The following CSMD3 variants were observed in gnomAD, a reference collection of about 807,000 sequenced individuals.
The protein encoded by CSMD3 is CUB and sushi domain-containing protein 3.
A neutral mutation model predicts 435.2 loss-of-function variants in CSMD3; 177 were observed. That is an observed-to-expected ratio of 0.41 (90% CI 0.36 to 0.46). CSMD3 has a LOEUF of 0.46. Among genes scored for constraint, CSMD3 ranks in the 20% least tolerant of loss-of-function variants. The probability of loss-of-function intolerance (pLI) is 0.34; values close to 1 mark genes in which losing one functional copy is unlikely to be tolerated. For missense variants in CSMD3, 4,265 were observed against 4,504.6 expected (o/e 0.95, Z 1.52); for synonymous variants, 1,656 against 1,520.5 (o/e 1.09, Z -2.07).
chr8:112,277,916 C>T (rs1306536705), intron 59 of CSMD3, among the ~76,000 whole-genome samples: 1 of 152,084 alleles, frequency 6.6e-6, no homozygotes, highest in East Asian at 1.9e-4. Flanking sequence ...TGGGTCCCTC[C>T]CACAACACAT....
At chr8:113,142,911 T>C (rs1161588732) in intron 4 of CSMD3, among the ~76,000 whole-genome samples, 2 of 148,384 alleles carry the variant, frequency 1.3e-5, no homozygotes, top group African/African-American at 4.9e-5. Context: ...ATGCAAAAAT[T>C]AAAAGTAAAA....
At chr8:112,524,739 C>T (rs1824680257) in intron 27 of CSMD3, among the ~76,000 whole-genome samples, 1 of 151,624 alleles carries the variant, frequency 6.6e-6, no homozygotes. Context: ...TGATGTATGT[C>T]TCACAATAGT....
At chr8:112,890,048 A>G (rs1273730544) in intron 10 of CSMD3, among the ~76,000 whole-genome samples, 1 of 151,698 alleles carries the variant, frequency 6.6e-6, no homozygotes, top group Non-Finnish European at 1.5e-5. Flanking sequence ...GAAAACACAG[A>G]AAAAAAGCAC....
intron 3 of CSMD3, among the ~76,000 whole-genome samples, chr8:113,182,775 G>T (rs1476358548): frequency 6.6e-6 from 1 of 151,982 alleles, no homozygotes; most frequent in African/African-American, 2.4e-5. Flanking sequence ...TGCAAATATT[G>T]AATTAGAGGC....
chr8:112,651,478 T>C (rs1265993916), intron 18 of CSMD3, among the ~76,000 whole-genome samples: 2 of 151,996 alleles, frequency 1.3e-5, no homozygotes, highest in Admixed American at 6.6e-5. Flanking sequence ...CTTCAACACA[T>C]CTACTTTTAT....
At chr8:112,750,758 G>T (rs941778054) in intron 13 of CSMD3, among the ~76,000 whole-genome samples, 4 of 151,924 alleles carry the variant, frequency 2.6e-5, no homozygotes, top group Admixed American at 1.3e-4. Flanking sequence ...TTCAATTCCT[G>T]CTATTACAAA....
At chr8:112,616,096 C>A (rs1833640847) in intron 22 of CSMD3, among the ~76,000 whole-genome samples, 1 of 152,026 alleles carries the variant, frequency 6.6e-6, no homozygotes, top group Non-Finnish European at 1.5e-5. Flanking sequence ...TACCTGAGTC[C>A]TCATCTAGGC....
chr8:113,101,927 AC>A (rs976599514), intron 4 of CSMD3, among the ~76,000 whole-genome samples: 6 of 152,264 alleles, frequency 3.9e-5, no homozygotes, highest in South Asian at 2.1e-4. Flanking sequence ...TTTAAAAAAA[AC>A]AACAACATAT....
At chr8:113,122,523 A>G (rs117228686) in intron 4 of CSMD3, among the ~76,000 whole-genome samples, 2 of 152,122 alleles carry the variant, frequency 1.3e-5, no homozygotes, top group East Asian at 3.9e-4. Flanking sequence ...AAATTATGAG[A>G]TCACCCAGGA....
Position 113,340,855 on chromosome 8 carries a change from C to A in CSMD3, c.179-26062G>T, listed in dbSNP as rs201702326. Among the ~76,000 whole-genome samples, 6 of 120,838 alleles carry A rather than the reference C, an allele frequency of 5.0e-5. No individual in the cohort carries two copies. In the East Asian group the frequency reaches 1.0e-3, roughly 21 times the overall value. 79.3% of individuals were successfully genotyped at this position (120,838 alleles called of 152,430 possible). On this transcript the variant is annotated intron_variant, in intron 1 of 70. Coordinates refer to ENST00000297405, the MANE Select transcript of CSMD3 (RefSeq NM_198123.2). ...CTGCACTCCAGCGTGGGCGACAAAG[C>A]AAGACTTTGTCTCAAAAAAAAAAAA...
intron 13 of CSMD3, among the ~76,000 whole-genome samples, chr8:112,799,799 G>C (rs190888368): frequency 6.6e-6 from 1 of 151,934 alleles, no homozygotes; most frequent in Admixed American, 6.6e-5. Flanking sequence ...GACCTTTACT[G>C]TTATATTTAA....
At chr8:113,001,864 C>A (rs1016333812) in intron 6 of CSMD3, among the ~76,000 whole-genome samples, 1 of 152,122 alleles carries the variant, frequency 6.6e-6, no homozygotes, top group South Asian at 2.1e-4. Context: ...TTTTACCATC[C>A]TGTCCCTTAG....
intron 1 of CSMD3, among the ~76,000 whole-genome samples, chr8:113,349,328 A>C (rs933592884): frequency 5.3e-5 from 8 of 152,160 alleles, no homozygotes; most frequent in Non-Finnish European, 1.0e-4. Context: ...GATGGCTATA[A>C]AGTTTATGTC....
intron 9 of CSMD3, among the ~76,000 whole-genome samples, chr8:112,925,193 T>C (rs1426837612): frequency 6.6e-6 from 1 of 152,240 alleles, no homozygotes; most frequent in East Asian, 1.9e-4. Context: ...TTCTACAATG[T>C]CTACTCTGCC....
intron 54 of CSMD3, among the ~76,000 whole-genome samples, chr8:112,293,836 T>C (rs1820005102): frequency 6.6e-6 from 1 of 152,082 alleles, no homozygotes; most frequent in Non-Finnish European, 1.5e-5. Context: ...CCAAGAGCAA[T>C]TATTTTTCAG....
At chr8:113,064,230 T>C (rs2088750125) in intron 5 of CSMD3, among the ~76,000 whole-genome samples, 1 of 151,936 alleles carries the variant, frequency 6.6e-6, no homozygotes, top group African/African-American at 2.4e-5. Context: ...TTCTCAAACA[T>C]TGTTGAGCAC....
chr8:112,572,004 G>A (rs1380904346), intron 24 of CSMD3, among the ~76,000 whole-genome samples: 1 of 150,300 alleles, frequency 6.7e-6, no homozygotes, highest in Non-Finnish European at 1.5e-5. Context: ...GGCCCTTTTA[G>A]AAAACAGAGA....
chr8:112,301,074 C>T (rs1335398980), intron 53 of CSMD3, among the ~76,000 whole-genome samples: 1 of 152,014 alleles, frequency 6.6e-6, no homozygotes, highest in Non-Finnish European at 1.5e-5. Flanking sequence ...TCAATACTTG[C>T]TGTCAGATCT....
chr8:112,346,743 A>G (rs1357868433), intron 40 of CSMD3, among the ~76,000 whole-genome samples: 2 of 130,744 alleles, frequency 1.5e-5, no homozygotes, highest in Non-Finnish European at 3.1e-5. Context: ...CAGTGGCGCA[A>G]TCTCGGCTCA....
Sources: allele counts gnomAD v4.1 joint callset (sites outside exome capture counted in the v4.1 genomes callset), GRCh38; gene constraint gnomAD v4.1.1; transcripts MANE v1.5; gene names NCBI Gene and HGNC (gene_info 2026-07-23, HGNC 2026-07-21).